The following PTPRM variants were observed in gnomAD, a reference collection of about 807,000 sequenced individuals.
The protein encoded by PTPRM is protein tyrosine phosphatase receptor type M, also known as receptor-type tyrosine-protein phosphatase mu.
In PTPRM, 47 loss-of-function variants were observed where a neutral mutation model predicts 186.7. The ratio of observed to expected loss-of-function variants is 0.25; its 90% CI spans 0.20 to 0.32. The LOEUF (loss-of-function observed/expected upper bound fraction) is 0.32. PTPRM is among the 10% of genes least tolerant of loss of function. PTPRM has a pLI of 1.00. For missense variants in PTPRM, 1,494 were observed against 1,865.0 expected (o/e 0.80, Z 3.66); for synonymous variants, 668 against 674.9 (o/e 0.99, Z 0.16).
intron 2 of PTPRM, among the ~76,000 whole-genome samples, chr18:7,781,686 G>T (rs181754519): frequency 2.6e-5 from 4 of 152,214 alleles, no homozygotes; most frequent in Non-Finnish European, 1.5e-5. Context: ...TATCTGGATG[G>T]TAGGATTTGA....
intron 14 of PTPRM, among the ~76,000 whole-genome samples, chr18:8,162,767 C>G (rs942931644): frequency 1.3e-5 from 2 of 152,138 alleles, no homozygotes; most frequent in African/African-American, 2.4e-5. Flanking sequence ...CCTCTCTCCA[C>G]CCCATACACA....
chr18:8,373,852 T>A (rs1440444517), intron 24 of PTPRM, among the ~76,000 whole-genome samples: 4 of 149,874 alleles, frequency 2.7e-5, no homozygotes, highest in Non-Finnish European at 5.9e-5. Context: ...GCCATTGCAC[T>A]GCAGCCTGGG....
intron 19 of PTPRM, among the ~76,000 whole-genome samples, chr18:8,279,961 A>C (rs915485580): frequency 6.6e-6 from 1 of 152,188 alleles, no homozygotes; most frequent in Non-Finnish European, 1.5e-5. Context: ...AAATCTCCCC[A>C]TTTTAAATTC....
At chr18:7,815,946 A>G (rs984655428) in intron 2 of PTPRM, among the ~76,000 whole-genome samples, 2 of 152,230 alleles carry the variant, frequency 1.3e-5, no homozygotes, top group African/African-American at 4.8e-5. Flanking sequence ...GAAGGACATC[A>G]GCGTATGTTC....
chr18:8,148,877 C>T (rs1449475801), intron 14 of PTPRM, among the ~76,000 whole-genome samples: 1 of 152,144 alleles, frequency 6.6e-6, no homozygotes, highest in Admixed American at 6.5e-5. Flanking sequence ...TTTCAAAGAA[C>T]ATCTTTATTT....
At chr18:8,095,827 G>A (rs1043336314) in intron 11 of PTPRM, among the ~76,000 whole-genome samples, 2 of 151,982 alleles carry the variant, frequency 1.3e-5, no homozygotes, top group East Asian at 1.9e-4. Context: ...TACTGTCTGG[G>A]GTATTGTTAA....
Position 7,906,509 on chromosome 18 carries a change from T to C in PTPRM, c.473T>C (p.Ile158Thr). The C allele has an allele frequency of 1.9e-6, 3 of 1,611,024 alleles. 1 individual carries two copies. Among genetic ancestry groups the C allele is most frequent in the Middle Eastern group, 3.3e-4 (2 of 6,052 alleles). ...AAATCTTTCTTAATTTTCCAGGTGA[T>C]TTTTGAAGTGATAACTTCTGGACAT... ...STFWPNFYQVIFEVITSGHQG... is the reference protein window; with the variant it reads ...STFWPNFYQVTFEVITSGHQG... Residue 158 changes from isoleucine to threonine, a missense_variant, in exon 4 of 33, where the codon ATT (isoleucine) becomes ACT (threonine). This residue lies in a region of PTPRM where 296 missense variants were observed against 345.5 expected (regional missense o/e 0.86). Transcript: ENST00000580170.
chr18:7,843,502 G>A (rs1282812859), intron 2 of PTPRM, among the ~76,000 whole-genome samples: 1 of 152,154 alleles, frequency 6.6e-6, no homozygotes, highest in Non-Finnish European at 1.5e-5. Context: ...AGGTGTTTTA[G>A]GGGAAGACCT....
At chr18:8,352,316 G>A (rs1186265221) in intron 23 of PTPRM, among the ~76,000 whole-genome samples, 1 of 152,138 alleles carries the variant, frequency 6.6e-6, no homozygotes, top group Non-Finnish European at 1.5e-5. Flanking sequence ...AGATTTAGGG[G>A]GCACATGGGC....
At chr18:8,381,387 G>A (rs925617681) in intron 29 of PTPRM, among the ~76,000 whole-genome samples, 7 of 148,364 alleles carry the variant, frequency 4.7e-5, no homozygotes, top group Admixed American at 3.4e-4. Flanking sequence ...AAAGTCTGAA[G>A]CATTTCGGCA....
chr18:8,288,685 G>C (rs1289063195), intron 19 of PTPRM, among the ~76,000 whole-genome samples: 1 of 152,000 alleles, frequency 6.6e-6, no homozygotes, highest in Admixed American at 6.6e-5. Context: ...ATGTTTTTTT[G>C]CTCTTGCCAC....
At chr18:7,581,723 A>G (rs1016844257) in intron 1 of PTPRM, among the ~76,000 whole-genome samples, 6 of 148,334 alleles carry the variant, frequency 4.0e-5, no homozygotes, top group African/African-American at 1.3e-4. Flanking sequence ...TGGTACGATT[A>G]TAGTTCATTG....
chr18:7,856,104 C>T lies in PTPRM; in HGVS notation c.197-32002C>T, dbSNP rs528787826. On this transcript the variant is annotated intron_variant, in intron 2 of 32. Transcript: ENST00000580170. ...ATCTCCTTCCTATAAAACATTGAGC[C>T]ATATCTGATTTGTAATTAGTGAAGT... Among the ~76,000 whole-genome samples the T allele has an allele frequency of 5.3e-5, 8 of 152,114 alleles. No individual in the cohort carries two copies. In the South Asian group the frequency reaches 8.3e-4, roughly 16 times the overall value.
rs551744639 is a variant in PTPRM, at chr18:7,831,054, G to A, written c.196+56783G>A. Among the ~76,000 whole-genome samples, 9 of 152,236 alleles carry A rather than the reference G, an allele frequency of 5.9e-5. No individual in the cohort carries two copies. The South Asian group carries it at 1.0e-3, about 18-fold the overall frequency. ...TGTGATGTTCCAGAATTGTGTTCAGGCAGAGTTATGGTATAGGATGGAGAT... is the reference window on the plus strand; with the variant it reads ...TGTGATGTTCCAGAATTGTGTTCAGACAGAGTTATGGTATAGGATGGAGAT... On this transcript the variant is annotated intron_variant, in intron 2 of 32. Transcript: ENST00000580170.
At chr18:7,573,778 CG>C (rs1180777786) in intron 1 of PTPRM, among the ~76,000 whole-genome samples, 2 of 151,556 alleles carry the variant, frequency 1.3e-5, no homozygotes, top group African/African-American at 4.9e-5. Flanking sequence ...TTAGTAGAGA[CG>C]GGGTTTCACC....
At chr18:7,784,027 T>C (rs1489793447) in intron 2 of PTPRM, among the ~76,000 whole-genome samples, 11 of 152,090 alleles carry the variant, frequency 7.2e-5, no homozygotes, top group Admixed American at 1.3e-4. Context: ...ATCCCTCACA[T>C]TGACACCAAG....
In PTPRM at chr18:7,984,669, C is replaced by T. The variant is rs1259783340; in HGVS notation, c.1132+29255C>T. On this transcript the variant is annotated intron_variant, in intron 7 of 32. Transcript: ENST00000580170. ...TATATGTGGGGTAAATATATATATA[C>T]ACACATATATAATTATATATATACA... 2.7e-3 allele frequency among the ~76,000 whole-genome samples: 322 copies of T among 117,766 alleles called. 4 individuals are homozygous for T. The highest frequency in any genetic ancestry group is 9.1e-3 in the African/African-American group (305 of 33,584). The allele number at this position is 117,766 out of a possible 152,430, so 77.3% of individuals were successfully genotyped here. A position where few individuals can be genotyped will look rare whatever the true frequency, so the allele number is the denominator to read the frequency against.
chr18:7,882,902 A>T, intron 2 of PTPRM, among the ~76,000 whole-genome samples: 1 of 152,240 alleles, frequency 6.6e-6, no homozygotes, highest in Admixed American at 6.5e-5. Flanking sequence ...AGATAGTTTA[A>T]TCAAAAGCCT....
intron 2 of PTPRM, among the ~76,000 whole-genome samples, chr18:7,817,131 T>G (rs1330307069): frequency 9.9e-5 from 15 of 152,048 alleles, no homozygotes; most frequent in Non-Finnish European, 4.4e-5. Context: ...TGTGCCACTA[T>G]GCCTGGCTAA....
Sources: allele counts gnomAD v4.1 joint callset (sites outside exome capture counted in the v4.1 genomes callset), GRCh38; gene constraint gnomAD v4.1.1; regional missense constraint gnomAD v4.1.1; transcripts MANE v1.5; gene names NCBI Gene and HGNC (gene_info 2026-07-23, HGNC 2026-07-21).